Variants in CFHR1 observed in about 807,000 individuals in gnomAD.
CFHR1 encodes complement factor H related 1, also known as complement factor H-related protein 1.
CFHR1 carries 22 observed loss-of-function variants against 30.4 expected under a neutral mutation model. The observed-to-expected ratio is 0.72, with a 90% CI of 0.52 to 1.03. CFHR1 has a LOEUF of 1.03. Among genes scored for constraint, CFHR1 ranks in the 50% least tolerant of loss-of-function variants. The pLI, the probability that CFHR1 is intolerant of heterozygous loss-of-function variation, is 0.00. For missense variants in CFHR1, 248 were observed against 380.6 expected (o/e 0.65, Z 2.90); for synonymous variants, 95 against 129.1 (o/e 0.74, Z 1.79).
chr1:196,831,981 A>G lies in CFHR1; in HGVS notation c.975A>G (p.Pro325=), dbSNP rs1275988221. ...TTCWDGKLEY[P]TCAKR ...GTTGGGATGGGAAACTGGAGTATCC[A>G]ACTTGTGCAAAAAGATAGAATCAAT... The change falls in exon 6 of 6, where the codon CCA becomes CCG. Residue 325 remains proline (P), a synonymous_variant. Transcript: ENST00000320493. The G allele has an allele frequency of 5.9e-6, 9 of 1,523,402 alleles. 2 individuals carry two copies. Among genetic ancestry groups the G allele is most frequent in the Admixed American group, 5.2e-5 (3 of 57,956 alleles). The allele number at this position is 1,523,402 out of a possible 1,614,324, so 94.4% of individuals were successfully genotyped here. A position where few individuals can be genotyped will look rare whatever the true frequency, so the allele number is the denominator to read the frequency against.
rs1471461464 is a variant in CFHR1, at chr1:196,831,782, G to T, written c.791-15G>T. ...TACTACTTAATGTTTTATGTTTACT[G>T]TTTTTTATTTTCAGATCCGTGTGTA... On this transcript the variant is annotated splice_polypyrimidine_tract_variant and intron_variant, in intron 5 of 5. Coordinates refer to ENST00000320493, the MANE Select transcript of CFHR1 (RefSeq NM_002113.3). The T allele has an allele frequency of 7.2e-6, 11 of 1,518,020 alleles. No individual in the cohort carries two copies. In the African/African-American group the frequency reaches 1.9e-4, roughly 26 times the overall value. The allele number at this position is 1,518,020 out of a possible 1,614,324, so 94.0% of individuals were successfully genotyped here.
Position 196,829,206 on chromosome 1 carries a change from C to T in CFHR1, c.607+960C>T, listed in dbSNP as rs1266235707. Among the ~76,000 whole-genome samples the T allele has an allele frequency of 1.5e-5, 2 of 134,564 alleles. 1 individual carries two copies. Among genetic ancestry groups the T allele is most frequent in the African/African-American group, 6.3e-5 (2 of 31,512 alleles). The allele number at this position is 134,564 out of a possible 152,430, so 88.3% of individuals were successfully genotyped here. A position where few individuals can be genotyped will look rare whatever the true frequency, so the allele number is the denominator to read the frequency against. ...TGTCTACTGGCACTGACATTTAAAT[C>T]AACAACTGGAATATGGAAAGCTTAC... On this transcript the variant is annotated intron_variant, in intron 4 of 5. Transcript: ENST00000320493.
At chr1:196,829,705 G>T (rs1467705260) in intron 4 of CFHR1, among the ~76,000 whole-genome samples, 1 of 134,794 alleles carries the variant, frequency 7.4e-6, no homozygotes, top group East Asian at 2.0e-4. Context: ...CATAGTTTTT[G>T]TCTAGTTGCT....
Position 196,822,132 on chromosome 1 carries a change from T to C in CFHR1, c.58+2230T>C, listed in dbSNP as rs1392731358. Among the ~76,000 whole-genome samples the C allele has an allele frequency of 5.4e-5, 7 of 129,706 alleles. 1 individual carries two copies. Among genetic ancestry groups the C allele is most frequent in the Admixed American group, 5.2e-4 (7 of 13,334 alleles). The allele number at this position is 129,706 out of a possible 152,430, so 85.1% of individuals were successfully genotyped here. On this transcript the variant is annotated intron_variant, in intron 1 of 5. Coordinates refer to ENST00000320493, the MANE Select transcript of CFHR1 (RefSeq NM_002113.3). Reference sequence around the variant, plus strand: ...TCTCAGTAAGTCATTACATGAGTGGTGAGTGAATGTGATGGCTTAGAACAT... The same window carrying C: ...TCTCAGTAAGTCATTACATGAGTGGCGAGTGAATGTGATGGCTTAGAACAT...
chr1:196,828,104 T>C lies in CFHR1; in HGVS notation c.465T>C (p.Asn155=). Residue 155 remains asparagine (N), a synonymous_variant, in exon 4 of 6, where the codon AAT becomes AAC. Transcript: ENST00000320493. ...GTGTGAATCCGCCCACAGTACAAAA[T>C]GCTCATATACTGTCGAGACAGATGA... ...TSCVNPPTVQ[N]AHILSRQMSK... 1 of 1,361,056 alleles carries C rather than the reference T, an allele frequency of 7.3e-7. No homozygotes were observed. The highest frequency in any genetic ancestry group is 9.9e-7 in the Non-Finnish European group (1 of 1,014,338). 84.3% of individuals were successfully genotyped at this position (1,361,056 alleles called of 1,614,324 possible). A position where few individuals can be genotyped will look rare whatever the true frequency, so the allele number is the denominator to read the frequency against.
At chr1:196,831,593 T>C (rs1465499557) in intron 5 of CFHR1, among the ~76,000 whole-genome samples, 1 of 135,586 alleles carries the variant, frequency 7.4e-6, no homozygotes, top group Non-Finnish European at 1.6e-5. Context: ...CTAATTCTCA[T>C]ACATTAAACA....
Position 196,826,977 on chromosome 1 carries a change from G to A in CFHR1, c.402G>A (p.Trp134Ter), listed in dbSNP as rs1350475057. 8.5e-6 allele frequency: 13 copies of A among 1,523,234 alleles called. 1 individual carries two copies. Among genetic ancestry groups the A allele is most frequent in the Admixed American group, 1.7e-5 (1 of 57,748 alleles). 94.4% of individuals were successfully genotyped at this position (1,523,234 alleles called of 1,614,324 possible). ...ENNISCVERGWSTPPKCRSTD... is the reference protein window; with the variant it reads ...ENNISCVERG ...ACATTTCATGTGTAGAACGGGGCTG[G>A]TCCACCCCTCCCAAATGCAGGTCCA... Residue 134 changes from tryptophan (W) to a stop codon, truncating the protein, a stop_gained, in exon 3 of 6, where the codon TGG (tryptophan) becomes TGA (stop). Coordinates refer to ENST00000320493, the MANE Select transcript of CFHR1 (RefSeq NM_002113.3). LOFTEE classifies it high-confidence loss of function.
At chr1:196,829,049 G>A (rs378209) in intron 4 of CFHR1, among the ~76,000 whole-genome samples, 59,586 of 131,808 alleles carry the variant, frequency 0.45, 19,493 homozygotes, top group Admixed American at 0.54. Context: ...ATTCCCTGTA[G>A]GGAAAATTAT....
At chr1:196,822,739 T>C (rs533855582) in intron 1 of CFHR1, among the ~76,000 whole-genome samples, 1 of 134,762 alleles carries the variant, frequency 7.4e-6, no homozygotes, top group Admixed American at 7.1e-5. Flanking sequence ...TTAACTGTTT[T>C]ACAGTTAATT....
chr1:196,822,115 A>G (rs1460127403), intron 1 of CFHR1, among the ~76,000 whole-genome samples: 1 of 131,874 alleles, frequency 7.6e-6, no homozygotes, highest in African/African-American at 3.3e-5. Flanking sequence ...ACTCTCAGTA[A>G]GTCATTACAT....
rs189049462 is a variant in CFHR1 at position 196,831,283 on chromosome 1, A to G, written c.791-514A>G. The stretch of plus-strand genomic sequence containing the variant: ...ATGATTACCACAAATTAATTAGCAC[A>G]TTCTTCATCACCTATGCTTAGCATT... On this transcript the variant is annotated intron_variant, in intron 5 of 5. Coordinates refer to ENST00000320493, the MANE Select transcript of CFHR1 (RefSeq NM_002113.3). 1.1e-4 allele frequency among the ~76,000 whole-genome samples: 15 copies of G among 136,080 alleles called. 1 individual carries two copies. The East Asian group carries it at 2.9e-3, about 27-fold the overall frequency. The allele number at this position is 136,080 out of a possible 152,430, so 89.3% of individuals were successfully genotyped here.
At chr1:196,823,101 A>ATATATG (rs1553292704) in intron 1 of CFHR1, among the ~76,000 whole-genome samples, 2 of 47,060 alleles carry the variant, frequency 4.2e-5, no homozygotes, top group African/African-American at 2.2e-4. Flanking sequence ...ATATATATAT[A>ATATATG]TGTGTGTGTG....
In CFHR1 at chr1:196,828,385, T is replaced by A. The variant is rs1340497553; in HGVS notation, c.607+139T>A. 17 of 758,926 alleles carry A rather than the reference T, an allele frequency of 2.2e-5. 2 individuals carry two copies. The East Asian group carries it at 4.8e-4, about 22-fold the overall frequency. The allele number at this position is 758,926 out of a possible 1,614,324, so 47.0% of individuals were successfully genotyped here. A position where few individuals can be genotyped will look rare whatever the true frequency, so the allele number is the denominator to read the frequency against. On this transcript the variant is annotated intron_variant, in intron 4 of 5. Transcript: ENST00000320493. ...TGATTGATGGTGCTTAAAATTCAAT[T>A]CTTCCTGTGAACAGAACACAAGTAA...
chr1:196,828,038 T>G lies in CFHR1; in HGVS notation c.431-32T>G. 6 of 1,492,920 alleles carry G rather than the reference T, an allele frequency of 4.0e-6. 1 individual carries two copies. Among genetic ancestry groups the G allele is most frequent in the Non-Finnish European group, 5.4e-6 (6 of 1,110,938 alleles). The allele number at this position is 1,492,920 out of a possible 1,614,324, so 92.5% of individuals were successfully genotyped here. A position where few individuals can be genotyped will look rare whatever the true frequency, so the allele number is the denominator to read the frequency against. On this transcript the variant is annotated intron_variant, in intron 3 of 5. Transcript: ENST00000320493. ...TTGATTTGCTACTCAAAATGAACAC[T>G]AGGTGGAACCACTTCTTTTTTTTCT...
chr1:196,832,098 T>A lies in CFHR1; in HGVS notation c.*99T>A. On this transcript the variant is annotated 3_prime_UTR_variant, in exon 6 of 6. Transcript: ENST00000320493. ...TGTTTTACTCCTTTTTATTCATACG[T>A]AAAATTTTGGATTAATTTGTGAAAA... 8.5e-7 allele frequency: 1 copy of A among 1,180,304 alleles called. No individual in the cohort carries two copies. The highest frequency in any genetic ancestry group is 2.5e-5 in the East Asian group (1 of 39,566). 73.1% of individuals were successfully genotyped at this position (1,180,304 alleles called of 1,614,324 possible). A position where few individuals can be genotyped will look rare whatever the true frequency, so the allele number is the denominator to read the frequency against.
rs1251107601 is a variant in CFHR1, at chr1:196,825,326, A to T, written c.59-151A>T. On this transcript the variant is annotated intron_variant, in intron 1 of 5. Transcript: ENST00000320493. ...GTACTCCTAGTTAGTGATGCTTTTC[A>T]TTCCTAATTTGTACACTGGAAAGCA... 5.3e-6 allele frequency: 3 copies of T among 568,848 alleles called. 1 individual carries two copies. The highest frequency in any genetic ancestry group is 5.0e-5 in the African/African-American group (2 of 40,010). 35.2% of individuals were successfully genotyped at this position (568,848 alleles called of 1,614,324 possible).
In CFHR1 at chr1:196,825,966, C is replaced by T. The variant is rs1217601881; in HGVS notation, c.253+295C>T. 4 of 243,184 alleles carry T rather than the reference C, an allele frequency of 1.6e-5. No homozygotes were observed. In the East Asian group the frequency reaches 2.0e-4, roughly 12 times the overall value. 15.1% of individuals were successfully genotyped at this position (243,184 alleles called of 1,614,324 possible). ...TTCTTTACTAATATTCATTTCGCAGCAGCCTGATCAAAGTTTTCCTTTTAA... is the reference window on the plus strand; with the variant it reads ...TTCTTTACTAATATTCATTTCGCAGTAGCCTGATCAAAGTTTTCCTTTTAA... On this transcript the variant is annotated intron_variant, in intron 2 of 5. Coordinates refer to ENST00000320493, the MANE Select transcript of CFHR1 (RefSeq NM_002113.3).
chr1:196,826,639 AG>A (rs1177230224), intron 2 of CFHR1, among the ~76,000 whole-genome samples, 189 bp from the exon 3 acceptor site: 3 of 134,104 alleles, frequency 2.2e-5, no homozygotes, highest in Non-Finnish European at 4.7e-5. Context: ...TACTAGAAAC[AG>A]GGTTTCACCA....
chr1:196,825,373 C>G (rs762811051), intron 1 of CFHR1, 104 bp from the exon 2 acceptor site: 1 of 908,440 alleles, frequency 1.1e-6, no homozygotes, highest in Non-Finnish European at 1.6e-6. Context: ...GGCATTTAAG[C>G]TAAATGAAAG....
Sources: allele counts gnomAD v4.1 joint callset (sites outside exome capture counted in the v4.1 genomes callset), GRCh38; gene constraint gnomAD v4.1.1; transcripts MANE v1.5; gene names NCBI Gene and HGNC (gene_info 2026-07-23, HGNC 2026-07-21).